The following SMAP2 variants were observed in gnomAD, a reference collection of about 807,000 sequenced individuals.
SMAP2 encodes the protein small ArfGAP2, also known as stromal membrane-associated protein 2.
In SMAP2, 25 loss-of-function variants were observed where a neutral mutation model predicts 56.4. That is an observed-to-expected ratio of 0.44 (90% CI 0.32 to 0.62). The LOEUF is 0.62. SMAP2 is among the 20% of genes least tolerant of loss of function. SMAP2 has a pLI of 0.04. For synonymous variants in SMAP2, 157 were observed against 181.7 expected, an observed-to-expected ratio of 0.86 and a Z score of 1.09; for missense variants, 388 against 545.6, an observed-to-expected ratio of 0.71 and a Z score of 2.88.
At chr1:40,348,023 G>A (rs1644396246) in intron 1 of SMAP2, among the ~76,000 whole-genome samples, 1 of 152,064 alleles carries the variant, frequency 6.6e-6, no homozygotes, top group Admixed American at 6.6e-5. Context: ...CTAGCTGGGT[G>A]CAGTGGCTCA....
intron 1 of SMAP2, among the ~76,000 whole-genome samples, chr1:40,354,709 A>T (rs1464003129): frequency 1.3e-5 from 2 of 149,866 alleles, no homozygotes; most frequent in East Asian, 3.9e-4. Context: ...CTTTAGTAGT[A>T]TAACTTGTGA....
At chr1:40,363,699 G>A (rs1287581760) in intron 2 of SMAP2, among the ~76,000 whole-genome samples, 2 of 152,210 alleles carry the variant, frequency 1.3e-5, no homozygotes, top group African/African-American at 2.4e-5. Flanking sequence ...ACACTGAAGA[G>A]AGTACAAAAG....
rs774816527 is a variant in SMAP2 at position 40,374,351 on chromosome 1, C to T, written c.103+128C>T. On this transcript the variant is annotated intron_variant, in intron 1 of 9. Transcript: ENST00000372718. The surrounding 1 kb of genome is among the most constrained non-coding windows in gnomAD (Gnocchi z 5.9). ...CTTATAAGTGGTAACGCGTGCTGCGCTTGCAGTGAGCCTACTGGGCTTTCT... is the reference window on the plus strand; with the variant it reads ...CTTATAAGTGGTAACGCGTGCTGCGTTTGCAGTGAGCCTACTGGGCTTTCT... The T allele has an allele frequency of 6.2e-6, 5 of 803,118 alleles. No homozygotes were observed. Among genetic ancestry groups the T allele is most frequent in the Admixed American group, 2.1e-5 (1 of 47,894 alleles). The allele number at this position is 803,118 out of a possible 1,614,324, so 49.7% of individuals were successfully genotyped here.
chr1:40,404,394 A>G (rs1644865620), intron 1 of SMAP2, among the ~76,000 whole-genome samples: 1 of 152,166 alleles, frequency 6.6e-6, no homozygotes, highest in Admixed American at 6.5e-5. Context: ...GTATTTCTGT[A>G]CTGAGGCCTT....
chr1:40,360,004 C>CTTTTTTTTT (rs775408458), intron 1 of SMAP2, among the ~76,000 whole-genome samples: 196 of 102,460 alleles, frequency 1.9e-3, no homozygotes, highest in East Asian at 3.1e-3. Flanking sequence ...CTTCTTCTTT[C>CTTTTTTTTT]TTTTTTTTTT....
Position 40,403,375 on chromosome 1 carries a change from C to T in SMAP2, c.104-3361C>T, listed in dbSNP as rs909047847. Among the ~76,000 whole-genome samples, 27 of 152,200 alleles carry T rather than the reference C, an allele frequency of 1.8e-4. 1 individual carries two copies. The East Asian group carries it at 2.1e-3, about 12-fold the overall frequency. ...CAAAAATTAGTGGGGTGTGGTAGCA[C>T]GCGCCTATAGTCCCAGCTACTCGGG... On this transcript the variant is annotated intron_variant, in intron 1 of 9. Transcript: ENST00000372718.
chr1:40,421,907 A>C, intron 9 of SMAP2, 69 bp from the exon 10 acceptor site: 1 of 1,589,582 alleles, frequency 6.3e-7, no homozygotes, highest in East Asian at 2.2e-5. Context: ...AGGGACTCTC[A>C]CCCTGCCTTT....
intron 1 of SMAP2, chr1:40,375,102 A>T (rs1238284553): frequency 2.0e-6 from 2 of 985,088 alleles, no homozygotes; most frequent in African/African-American, 1.7e-5. Context: ...ATACAATTAA[A>T]AGTCAGTACA....
intron 9 of SMAP2, among the ~76,000 whole-genome samples, chr1:40,418,746 A>G (rs992934680): frequency 6.6e-6 from 1 of 152,234 alleles, no homozygotes; most frequent in African/African-American, 2.4e-5. Context: ...AATAACAAGG[A>G]GAGTAGTATT....
At chr1:40,393,383 C>T (rs1369434010) in intron 1 of SMAP2, 22 of 1,535,098 alleles carry the variant, frequency 1.4e-5, no homozygotes, top group Middle Eastern at 1.7e-4. Flanking sequence ...AGCAGAGCGC[C>T]GTGGGAGTTG....
intron 1 of SMAP2, among the ~76,000 whole-genome samples, chr1:40,375,451 T>A (rs1182692095): frequency 6.6e-6 from 1 of 152,184 alleles, no homozygotes; most frequent in Non-Finnish European, 1.5e-5. Flanking sequence ...TTTTGAAGAA[T>A]AAGGTTATAA....
At chr1:40,411,456 A>C (rs1239131837) in intron 4 of SMAP2, among the ~76,000 whole-genome samples, 1 of 152,186 alleles carries the variant, frequency 6.6e-6, no homozygotes, top group African/African-American at 2.4e-5. Context: ...GTACACAGCT[A>C]TTGTGGAAAC....
intron 1 of SMAP2, among the ~76,000 whole-genome samples, chr1:40,403,536 G>A (rs1644856697): frequency 6.6e-6 from 1 of 152,080 alleles, no homozygotes; most frequent in South Asian, 2.1e-4. Flanking sequence ...GCACTCCGTG[G>A]TGTTGCATAG....
intron 3 of SMAP2, among the ~76,000 whole-genome samples, chr1:40,409,310 C>T (rs1300244515): frequency 6.6e-6 from 1 of 152,046 alleles, no homozygotes; most frequent in Admixed American, 6.6e-5. Context: ...TCAGGTGGAA[C>T]CTGTTAAATG....
intron 1 of SMAP2, among the ~76,000 whole-genome samples, chr1:40,394,601 A>C (rs994951081): frequency 6.6e-6 from 1 of 152,038 alleles, no homozygotes; most frequent in African/African-American, 2.4e-5. Context: ...TTGGCTCTTT[A>C]CTATAAAAAC....
intron 2 of SMAP2, among the ~76,000 whole-genome samples, chr1:40,363,483 T>G (rs1644467709): frequency 6.6e-6 from 1 of 152,142 alleles, no homozygotes; most frequent in Admixed American, 6.5e-5. Flanking sequence ...ATGTGCATGT[T>G]TTTACTTTGA....
Position 40,415,314 on chromosome 1 carries a change from A to T in SMAP2, c.614A>T (p.Asn205Ile). The T allele has an allele frequency of 6.2e-7, 1 of 1,614,044 alleles. No individual in the cohort carries two copies. Among genetic ancestry groups the T allele is most frequent in the Non-Finnish European group, 8.5e-7 (1 of 1,179,876 alleles). ...ACSIANSKTS[N>I]TLEKDLDLLA... Reference sequence around the variant, plus strand: ...TCCATTGCAAATAGTAAGACCAGCAATACCCTAGAGAAGGATTTAGATCTG... The same window carrying T: ...TCCATTGCAAATAGTAAGACCAGCATTACCCTAGAGAAGGATTTAGATCTG... Residue 205 changes from asparagine to isoleucine, a missense_variant, in exon 7 of 10, where the codon AAT becomes ATT. Coordinates refer to ENST00000372718, the MANE Select transcript of SMAP2 (RefSeq NM_022733.3).
At chr1:40,345,167 G>A (rs1256830834) in intron 1 of SMAP2, among the ~76,000 whole-genome samples, 2 of 152,026 alleles carry the variant, frequency 1.3e-5, no homozygotes, top group Non-Finnish European at 2.9e-5. Context: ...GCTTTGGGAG[G>A]CCAAGGCGGG....
upstream of SMAP2, among the ~76,000 whole-genome samples, chr1:40,373,235 A>G (rs908939027): frequency 3.3e-5 from 5 of 152,118 alleles, no homozygotes; most frequent in African/African-American, 9.7e-5. Flanking sequence ...GTGAGAGGTG[A>G]CCAGAGTCCT....
Sources: allele counts gnomAD v4.1 joint callset (sites outside exome capture counted in the v4.1 genomes callset), GRCh38; gene constraint gnomAD v4.1.1; non-coding constraint Gnocchi (gnomAD v3.1); transcripts MANE v1.5; gene names NCBI Gene and HGNC (gene_info 2026-07-23, HGNC 2026-07-21).